Variants in TACC2 observed in about 807,000 individuals in gnomAD.
TACC2 encodes the protein transforming acidic coiled-coil-containing protein 2.
In TACC2, 137 loss-of-function variants were observed where a neutral mutation model predicts 227.3. The ratio of observed to expected loss-of-function variants is 0.60; its 90% CI spans 0.52 to 0.69. TACC2 has a LOEUF of 0.69. TACC2 is among the 30% of genes least tolerant of loss of function. TACC2 has a pLI of 0.00. For missense variants in TACC2, 3,470 were observed against 3,694.4 expected (o/e 0.94, Z 1.57); for synonymous variants, 1,523 against 1,487.5 (o/e 1.02, Z -0.55).
Position 122,103,818 on chromosome 10 carries a change from G to A in TACC2, c.5573+15227G>A, listed in dbSNP as rs115715469. 5.8e-3 allele frequency among the ~76,000 whole-genome samples: 883 copies of A among 152,290 alleles called. 8 individuals are homozygous for A. The highest frequency in any genetic ancestry group is 0.02 in the African/African-American group (839 of 41,554). On this transcript the variant is annotated intron_variant, in intron 5 of 22. Coordinates refer to ENST00000369005, the MANE Select transcript of TACC2 (RefSeq NM_206862.4). The stretch of plus-strand genomic sequence containing the variant: ...GGAGAGAGGAAGGATGGAGGACGAT[G>A]AGCACTGGACTGGGGTCAACCTAGT...
Position 122,083,206 on chromosome 10 carries a change from C to T in TACC2, c.706C>T (p.Pro236Ser), listed in dbSNP as rs1230128352. 2 of 1,613,482 alleles carry T rather than the reference C, an allele frequency of 1.2e-6. No homozygotes were observed. Among genetic ancestry groups the T allele is most frequent in the Middle Eastern group, 1.7e-4 (1 of 6,060 alleles). ...GAAAGAGGCTGCAGGTGGCTTTCCC[C>T]CTGCAGAGTCCAGGCAGGGGGTGGC... ...QEKEAAGGFP[P>S]AESRQGVASV... is the part of the protein sequence containing the mutation. The change falls in exon 4 of 23, where the codon CCT becomes TCT. Residue 236 changes from proline to serine, a missense_variant. By Grantham distance (74) the Pro-to-Ser change is moderately conservative. Transcript: ENST00000369005.
chr10:122,215,346 C>T (rs201306502), intron 9 of TACC2, 45 bp from the exon 10 acceptor site: 2 of 1,565,216 alleles, frequency 1.3e-6, no homozygotes, highest in East Asian at 2.2e-5. Flanking sequence ...CTGGAGTGTT[C>T]CGTCCCTCTG....
intron 7 of TACC2, among the ~76,000 whole-genome samples, chr10:122,183,176 G>A (rs1459284247): frequency 2.0e-5 from 3 of 151,736 alleles, no homozygotes; most frequent in African/African-American, 4.8e-5. Context: ...CTGCACTCCA[G>A]CCTGGGTAAC....
chr10:122,087,283 C>T lies in TACC2; in HGVS notation c.4783C>T (p.Pro1595Ser), dbSNP rs375588375. The T allele has an allele frequency of 2.5e-6, 4 of 1,613,772 alleles. No individual in the cohort carries two copies. Among genetic ancestry groups the T allele is most frequent in the Non-Finnish European group, 3.4e-6 (4 of 1,180,044 alleles). Residue 1595 changes from proline to serine, a missense_variant, in exon 4 of 23, where the codon CCT becomes TCT. Physicochemically the swap from Pro to Ser is moderately conservative, Grantham distance 74. Coordinates refer to ENST00000369005, the MANE Select transcript of TACC2 (RefSeq NM_206862.4). ...AGAGGCCGTGGCCCAAGACAGAATTCCTTCTGGAAAGCAGCACCAGGAAAC... is the reference window on the plus strand; with the variant it reads ...AGAGGCCGTGGCCCAAGACAGAATTTCTTCTGGAAAGCAGCACCAGGAAAC... ...GEEAVAQDRI[P>S]SGKQHQETSA...
rs558376795 is a variant in TACC2, at chr10:122,044,682, A to T, written c.34-5756A>T. On this transcript the variant is annotated intron_variant, in intron 2 of 22. Transcript: ENST00000369005. The stretch of plus-strand genomic sequence containing the variant: ...ATGGAGCGTTTAAGAGGTAAGTGGA[A>T]TTTTTTTTTTTTTTTTATGGTGAAA... Among the ~76,000 whole-genome samples the T allele has an allele frequency of 4.5e-4, 66 of 146,290 alleles. No individual in the cohort carries two copies. The East Asian group carries it at 0.011, about 25-fold the overall frequency.
At chr10:122,008,874 T>A (rs1955584277) in intron 1 of TACC2, among the ~76,000 whole-genome samples, 1 of 152,202 alleles carries the variant, frequency 6.6e-6, no homozygotes, top group Non-Finnish European at 1.5e-5. Flanking sequence ...TGCCCAGCCG[T>A]ACATATCCCT....
rs376733920 is a variant in TACC2 at position 122,007,655 on chromosome 10, C to T, written c.-45-14282C>T. 3.9e-5 allele frequency among the ~76,000 whole-genome samples: 6 copies of T among 152,246 alleles called. No homozygotes were observed. In the East Asian group the frequency reaches 9.6e-4, roughly 24 times the overall value. Reference sequence around the variant, plus strand: ...TGTTTGTTAGGGTGAAGTTCAAGAACGTTTCTGAGTCCTTTTATTTTGTGA... The same window carrying T: ...TGTTTGTTAGGGTGAAGTTCAAGAATGTTTCTGAGTCCTTTTATTTTGTGA... On this transcript the variant is annotated intron_variant, in intron 1 of 22. Coordinates refer to ENST00000369005, the MANE Select transcript of TACC2 (RefSeq NM_206862.4).
chr10:122,024,148 G>A (rs114510065), intron 2 of TACC2, among the ~76,000 whole-genome samples: 283 of 152,280 alleles, frequency 1.9e-3, no homozygotes, highest in African/African-American at 6.4e-3. Flanking sequence ...CAGGAGGATA[G>A]CTTCAGTCCT....
At chr10:122,037,065 A>G (rs1960636533) in intron 2 of TACC2, among the ~76,000 whole-genome samples, 1 of 152,160 alleles carries the variant, frequency 6.6e-6, no homozygotes, top group Non-Finnish European at 1.5e-5. Flanking sequence ...CTCTGTAGAG[A>G]CCTGGTGTAC....
At chr10:122,037,695 G>A (rs1354203829) in intron 2 of TACC2, among the ~76,000 whole-genome samples, 1 of 152,218 alleles carries the variant, frequency 6.6e-6, no homozygotes, top group Admixed American at 6.5e-5. Context: ...CCATCCGTGT[G>A]AGTAAATCTC....
In TACC2 at chr10:122,250,491, C is replaced by T. The variant is rs541396514; in HGVS notation, c.8781+827C>T. ...TGGCATCAGAAATCCATGTGCCTCCCGAGTGGCCTCTACTACCGCAGGAGC... is the reference window on the plus strand; with the variant it reads ...TGGCATCAGAAATCCATGTGCCTCCTGAGTGGCCTCTACTACCGCAGGAGC... On this transcript the variant is annotated intron_variant, in intron 22 of 22. Transcript: ENST00000369005. Among the ~76,000 whole-genome samples the T allele has an allele frequency of 1.7e-4, 26 of 152,286 alleles. No homozygotes were observed. The East Asian group carries it at 4.8e-3, about 28-fold the overall frequency.
In TACC2 at chr10:122,215,494, G is replaced by T. The variant is rs777356077; in HGVS notation, c.7344+43G>T. 3 of 1,564,552 alleles carry T rather than the reference G, an allele frequency of 1.9e-6. 1 individual carries two copies. The highest frequency in any genetic ancestry group is 2.6e-6 in the Non-Finnish European group (3 of 1,135,188). On this transcript the variant is annotated intron_variant, in intron 10 of 22. Transcript: ENST00000369005. ...TCTTGATGGTTTTATGCCCCCCCCG[G>T]GGGAGGTTTTCTTCGCTTGTTGACA...
At chr10:122,179,512 C>G (rs918167960) in intron 7 of TACC2, among the ~76,000 whole-genome samples, 1 of 152,206 alleles carries the variant, frequency 6.6e-6, no homozygotes, top group South Asian at 2.1e-4. Context: ...TTCCTTGATG[C>G]CCTTCACTTT....
At chr10:122,096,838 T>C (rs1175004279) in intron 5 of TACC2, among the ~76,000 whole-genome samples, 1 of 152,180 alleles carries the variant, frequency 6.6e-6, no homozygotes, top group East Asian at 1.9e-4. Context: ...GCTTACAGCA[T>C]CTCAGCCCCT....
Position 122,219,596 on chromosome 10 carries a change from C to T in TACC2, c.7546+2768C>T, listed in dbSNP as rs552410535. Among the ~76,000 whole-genome samples the T allele has an allele frequency of 7.9e-5, 12 of 152,246 alleles. No individual in the cohort carries two copies. In the South Asian group the frequency reaches 1.7e-3, roughly 21 times the overall value. On this transcript the variant is annotated intron_variant, in intron 11 of 22. Coordinates refer to ENST00000369005, the MANE Select transcript of TACC2 (RefSeq NM_206862.4). ...CACCTGCGTCAGATGTGGAGCACTG[C>T]GGGGAAGGTGCTTTATGTTCCAGAG... is the stretch of plus-strand genomic sequence containing the variant.
chr10:122,159,817 C>T (rs555910594), intron 7 of TACC2, among the ~76,000 whole-genome samples: 4 of 152,226 alleles, frequency 2.6e-5, no homozygotes, highest in East Asian at 1.9e-4. Context: ...TGTATGTGCT[C>T]GGGCTAATTA....
chr10:122,252,551 C>T (rs1016212013), intron 22 of TACC2, among the ~76,000 whole-genome samples: 2 of 150,524 alleles, frequency 1.3e-5, no homozygotes, highest in African/African-American at 2.5e-5. Flanking sequence ...AGTGCAGTGG[C>T]GCAATCTCGG....
rs377007931 is a variant in TACC2 at position 122,188,706 on chromosome 10, T to C, written c.5835-6334T>C. ...CTGCAGTGCTCTTTCCACTTGGTCA[T>C]GCTGCTGCTATAACCTAGCGATGGT... is the stretch of plus-strand genomic sequence containing the variant. On this transcript the variant is annotated intron_variant, in intron 7 of 22. Coordinates refer to ENST00000369005, the MANE Select transcript of TACC2 (RefSeq NM_206862.4). 4.6e-5 allele frequency among the ~76,000 whole-genome samples: 7 copies of C among 152,358 alleles called. No individual in the cohort carries two copies. In the East Asian group the frequency reaches 1.2e-3, roughly 25 times the overall value.
chr10:122,008,268 T>TA (rs61230073), intron 1 of TACC2, among the ~76,000 whole-genome samples: 67 of 149,912 alleles, frequency 4.5e-4, no homozygotes, highest in Middle Eastern at 3.4e-3. Flanking sequence ...ATTATTATTT[T>TA]TTTTTTTTGA....
Sources: gnomAD v4.1 joint callset for allele counts (sites outside exome capture counted in the v4.1 genomes callset) on GRCh38, gnomAD v4.1.1 for gene constraint, MANE v1.5 for transcripts, NCBI Gene and HGNC (gene_info 2026-07-23, HGNC 2026-07-21) for gene names.